Variants in VPS13B observed in about 807,000 individuals in gnomAD.
VPS13B encodes vacuolar protein sorting 13 homolog B, also known as intermembrane lipid transfer protein VPS13B.
Under a neutral mutation model 426.4 loss-of-function variants are expected in VPS13B, and 285 were observed. The ratio of observed to expected loss-of-function variants is 0.67; its 90% CI spans 0.61 to 0.74. VPS13B has a LOEUF of 0.74. VPS13B is among the 30% of genes least tolerant of loss of function. VPS13B has a pLI of 0.00. For missense variants in VPS13B, 4,537 were observed against 4,782.6 expected, an observed-to-expected ratio of 0.95 and a Z score of 1.51; for synonymous variants, 1,676 against 1,676.4, an observed-to-expected ratio of 1.00 and a Z score of 0.01.
chr8:99,595,701 G>T (rs143920105), intron 33 of VPS13B, among the ~76,000 whole-genome samples: 1 of 151,710 alleles, frequency 6.6e-6, no homozygotes, highest in African/African-American at 2.4e-5. Context: ...TAGAATCAGA[G>T]AAAATATTTG....
chr8:99,697,064 A>G (rs1044092570), intron 35 of VPS13B: 1 of 542,880 alleles, frequency 1.8e-6, no homozygotes, highest in African/African-American at 1.9e-5. Context: ...GGAGATTCCC[A>G]TATCGCTACT....
At position 99,662,209 on chromosome 8, in the gene VPS13B, T is replaced by A. The variant is rs563711555; in HGVS notation, c.6046+718T>A. 1.1e-4 allele frequency among the ~76,000 whole-genome samples: 16 copies of A among 152,248 alleles called. No individual in the cohort carries two copies. In the East Asian group the frequency reaches 3.1e-3, roughly 29 times the overall value. ...CTTCTGTACTACACTAATTTGGGCATAACTAAAGTTTTTTTCTTTATTCCT... is the reference window on the plus strand; with the variant it reads ...CTTCTGTACTACACTAATTTGGGCAAAACTAAAGTTTTTTTCTTTATTCCT... On this transcript the variant is annotated intron_variant, in intron 35 of 61. Coordinates refer to ENST00000357162, the MANE Select transcript of VPS13B (RefSeq NM_152564.5).
chr8:99,156,607 T>G lies in VPS13B; in HGVS notation c.2072T>G (p.Ile691Ser). 1 of 1,614,096 alleles carries G rather than the reference T, an allele frequency of 6.2e-7. No individual in the cohort carries two copies. The highest frequency in any genetic ancestry group is 8.5e-7 in the Non-Finnish European group (1 of 1,179,920). The change falls in exon 15 of 62, where the codon ATT becomes AGT. Residue 691 changes from isoleucine (I) to serine (S), a missense_variant. Physicochemically the swap from Ile to Ser is moderately radical, Grantham distance 142 (BLOSUM62 -2). Transcript: ENST00000357162. Reference sequence around the variant, plus strand: ...CAGTCTCTTCGGCCTTTGCCATCCATTCGAATATTGGTGGATAAAATTAAT... The same window carrying G: ...CAGTCTCTTCGGCCTTTGCCATCCAGTCGAATATTGGTGGATAAAATTAAT... The part of the protein sequence containing the change: ...NFQSLRPLPS[I>S]RILVDKINLE...
chr8:99,836,630 G>A (rs1484650513), intron 54 of VPS13B, among the ~76,000 whole-genome samples: 1 of 152,068 alleles, frequency 6.6e-6, no homozygotes, highest in African/African-American at 2.4e-5. Context: ...ATAATATTGT[G>A]CCATACTTTT....
chr8:99,062,390 A>G (rs1316891994), intron 3 of VPS13B, among the ~76,000 whole-genome samples: 1 of 152,228 alleles, frequency 6.6e-6, no homozygotes, highest in Admixed American at 6.5e-5. Context: ...ACAATAAATT[A>G]TCATTATTCT....
At chr8:99,766,994 G>T (rs770685901) in intron 40 of VPS13B, 24 bp downstream of exon 40, 21 of 1,607,680 alleles carry the variant, frequency 1.3e-5, no homozygotes, top group Non-Finnish European at 1.7e-5. Flanking sequence ...AGATGATATG[G>T]TAGCATTACA....
At chr8:99,717,149 CT>C in intron 36 of VPS13B, 21 bp from the exon 37 acceptor site, 1 of 1,586,192 alleles carries the variant, frequency 6.3e-7, no homozygotes, top group Non-Finnish European at 8.7e-7. Context: ...GAATTATATA[CT>C]CTTCTGTATT....
At chr8:99,452,750 C>T (rs1818263102) in intron 23 of VPS13B, among the ~76,000 whole-genome samples, 1 of 152,148 alleles carries the variant, frequency 6.6e-6, no homozygotes, top group African/African-American at 2.4e-5. Context: ...TGAACTTGGA[C>T]TTCTAAAGTT....
chr8:99,422,118 C>G (rs1816410225), intron 21 of VPS13B, among the ~76,000 whole-genome samples: 1 of 152,150 alleles, frequency 6.6e-6, no homozygotes, highest in South Asian at 2.1e-4. Flanking sequence ...TTGCCTTTCC[C>G]TAGCTGCAGA....
chr8:99,194,435 C>T (rs780241882), intron 17 of VPS13B, among the ~76,000 whole-genome samples: 19 of 152,154 alleles, frequency 1.2e-4, no homozygotes, highest in South Asian at 2.1e-4. Context: ...ATTCCGCCTA[C>T]GTTTGGTAAC....
intron 39 of VPS13B, among the ~76,000 whole-genome samples, chr8:99,757,829 A>C (rs1810718105): frequency 6.6e-6 from 1 of 152,238 alleles, no homozygotes; most frequent in East Asian, 1.9e-4. Context: ...ATGGCTGGCT[A>C]ATTTTTTAGG....
intron 35 of VPS13B, among the ~76,000 whole-genome samples, chr8:99,663,360 T>C (rs896062559): frequency 6.6e-6 from 1 of 152,154 alleles, no homozygotes; most frequent in Non-Finnish European, 1.5e-5. Context: ...ATTTCTAATC[T>C]TGATAAACTC....
At chr8:99,684,539 G>C (rs1186590484) in intron 35 of VPS13B, among the ~76,000 whole-genome samples, 2 of 152,110 alleles carry the variant, frequency 1.3e-5, no homozygotes, top group Non-Finnish European at 2.9e-5. Context: ...AGGGGGTAGG[G>C]GAGGAAAAAT....
At chr8:99,430,844 G>A (rs1050552296) in intron 21 of VPS13B, among the ~76,000 whole-genome samples, 3 of 151,850 alleles carry the variant, frequency 2.0e-5, no homozygotes, top group Admixed American at 6.6e-5. Context: ...TCAGGCTCCC[G>A]AGTAGCTGGG....
At position 99,391,660 on chromosome 8, in the gene VPS13B, C is replaced by T. The variant is rs774236239; in HGVS notation, c.3038C>T (p.Ala1013Val). The T allele has an allele frequency of 1.9e-6, 3 of 1,614,008 alleles. No individual in the cohort carries two copies. The East Asian group carries it at 6.7e-5, about 36-fold the overall frequency. ...APLAKQQSYQ[A>V]SEYASSPVKT... ...TTGGCAAAGCAGCAATCATATCAGG[C>T]CTCTGAATATGCCAGCAGCCCTGTA... The change falls in exon 21 of 62, where the codon GCC becomes GTC. Residue 1013 changes from alanine to valine, a missense_variant. Physicochemically the swap from Ala to Val is moderately conservative, Grantham distance 64 (BLOSUM62 0). This residue lies in a region of VPS13B where 4,311 missense variants were observed against 4,474.3 expected (regional missense o/e 0.96). Coordinates refer to ENST00000357162, the MANE Select transcript of VPS13B (RefSeq NM_152564.5).
At chr8:99,046,586 TAAGAGGAGTGGTAAGAGTG>T (rs1331048205) in intron 3 of VPS13B, among the ~76,000 whole-genome samples, 1 of 152,110 alleles carries the variant, frequency 6.6e-6, no homozygotes, top group East Asian at 1.9e-4. Flanking sequence ...CAGTACTGTT[TAAGAGGAGTGGTAAGAGTG>T]GGCCTCCTTG....
rs1311466706 is a variant in VPS13B at position 99,512,870 on chromosome 8, G to A, written c.4633+1358G>A. Among the ~76,000 whole-genome samples the A allele has an allele frequency of 3.3e-5, 5 of 151,958 alleles. No individual in the cohort carries two copies. The East Asian group carries it at 5.8e-4, about 18-fold the overall frequency. On this transcript the variant is annotated intron_variant, in intron 29 of 61. Coordinates refer to ENST00000357162, the MANE Select transcript of VPS13B (RefSeq NM_152564.5). The stretch of plus-strand genomic sequence containing the variant: ...TAAAAATACAAAAAATTAGCCAGGC[G>A]TGGTGGCACGTGCCTGTAATCCCAG...
intron 3 of VPS13B, among the ~76,000 whole-genome samples, chr8:99,080,006 ATAAT>A (rs1334302280): frequency 6.6e-6 from 1 of 150,658 alleles, no homozygotes; most frequent in Non-Finnish European, 1.5e-5. Flanking sequence ...GTATCATATT[ATAAT>A]TAATAATGTG....
intron 2 of VPS13B, among the ~76,000 whole-genome samples, chr8:99,024,319 G>A (rs1842038855): frequency 3.9e-5 from 6 of 152,230 alleles, no homozygotes; most frequent in African/African-American, 1.4e-4. Flanking sequence ...AGTTGTTTGA[G>A]TTCCTTGTGT....
Sources: allele counts gnomAD v4.1 joint callset (sites outside exome capture counted in the v4.1 genomes callset), GRCh38; gene constraint gnomAD v4.1.1; regional missense constraint gnomAD v4.1.1; transcripts MANE v1.5; gene names NCBI Gene and HGNC (gene_info 2026-07-23, HGNC 2026-07-21).